The following CEP128 variants were observed in gnomAD, a reference collection of about 807,000 sequenced individuals.
CEP128 encodes the protein centrosomal protein 128, also known as centrosomal protein 128kDa.
Under a neutral mutation model 156.7 loss-of-function variants are expected in CEP128, and 132 were observed. The observed-to-expected ratio is 0.84, with a 90% CI of 0.73 to 0.97. CEP128 has a LOEUF of 0.97. Among genes scored for constraint, CEP128 ranks in the 50% least tolerant of loss-of-function variants. CEP128 has a pLI of 0.00. For synonymous variants in CEP128, 469 were observed against 448.9 expected, an observed-to-expected ratio of 1.04 and a Z score of -0.57; for missense variants, 1,252 against 1,281.9, an observed-to-expected ratio of 0.98 and a Z score of 0.36.
intron 9 of CEP128, among the ~76,000 whole-genome samples, chr14:80,849,061 G>A (rs1281213824): frequency 2.0e-5 from 3 of 152,098 alleles, no homozygotes; most frequent in Non-Finnish European, 4.4e-5. Flanking sequence ...TGTAGTGGTA[G>A]GAAATGAACA....
intron 19 of CEP128, among the ~76,000 whole-genome samples, chr14:80,684,933 C>T (rs752984951): frequency 7.2e-5 from 11 of 151,996 alleles, no homozygotes; most frequent in Non-Finnish European, 7.4e-5. Context: ...AACTAGGCAT[C>T]GAAGGAACAT....
chr14:80,724,724 CAG>C (rs904085405), intron 19 of CEP128, among the ~76,000 whole-genome samples: 1 of 151,886 alleles, frequency 6.6e-6, no homozygotes, highest in African/African-American at 2.4e-5. Context: ...AACTGAAACT[CAG>C]ACACTCTTCT....
At chr14:80,635,422 CAAAT>C (rs1486710172) in intron 19 of CEP128, among the ~76,000 whole-genome samples, 1 of 152,076 alleles carries the variant, frequency 6.6e-6, no homozygotes, top group Non-Finnish European at 1.5e-5. Flanking sequence ...AAAAAACCCC[CAAAT>C]AAACAAAAAA....
intron 19 of CEP128, among the ~76,000 whole-genome samples, chr14:80,740,252 A>C (rs188781504): frequency 6.6e-6 from 1 of 152,228 alleles, no homozygotes; most frequent in Non-Finnish European, 1.5e-5. Context: ...GAGACACAGC[A>C]TTCAGCAAAA....
intron 24 of CEP128, among the ~76,000 whole-genome samples, chr14:80,504,252 C>T (rs1372691129): frequency 6.6e-6 from 1 of 152,196 alleles, no homozygotes; most frequent in Non-Finnish European, 1.5e-5. Flanking sequence ...GTGAACAAAA[C>T]AGGCACTCCT....
chr14:80,630,956 T>G (rs1445678033), intron 19 of CEP128, among the ~76,000 whole-genome samples: 1 of 151,986 alleles, frequency 6.6e-6, no homozygotes, highest in African/African-American at 2.4e-5. Flanking sequence ...TGGGCAACTG[T>G]AAAAGAAAAC....
intron 19 of CEP128, among the ~76,000 whole-genome samples, chr14:80,594,198 C>T (rs1892214485): frequency 6.6e-6 from 1 of 152,116 alleles, no homozygotes; most frequent in African/African-American, 2.4e-5. Flanking sequence ...CTTTGACAAA[C>T]AGGACAAAAA....
intron 19 of CEP128, among the ~76,000 whole-genome samples, chr14:80,734,212 A>G (rs898071146): frequency 6.6e-6 from 1 of 152,212 alleles, no homozygotes; most frequent in African/African-American, 2.4e-5. Flanking sequence ...TCTAGTAGAC[A>G]CAGTGTCGAT....
chr14:80,592,904 G>C (rs1159567881), intron 19 of CEP128, among the ~76,000 whole-genome samples: 1 of 152,136 alleles, frequency 6.6e-6, no homozygotes, highest in Non-Finnish European at 1.5e-5. Context: ...AAAGCCACAT[G>C]ATTATCTCAA....
chr14:80,493,780 C>T (rs973272183), downstream of CEP128, among the ~76,000 whole-genome samples: 1 of 152,120 alleles, frequency 6.6e-6, no homozygotes. Flanking sequence ...GTGACTTGTG[C>T]TGGGCTTGAA....
chr14:80,790,282 A>T (rs541816939), intron 14 of CEP128, among the ~76,000 whole-genome samples: 2 of 152,254 alleles, frequency 1.3e-5, no homozygotes, highest in South Asian at 2.1e-4. Context: ...TATCCATATT[A>T]AAAAAGAATA....
At chr14:80,722,454 A>G (rs920686648) in intron 19 of CEP128, among the ~76,000 whole-genome samples, 8 of 152,102 alleles carry the variant, frequency 5.3e-5, no homozygotes, top group Non-Finnish European at 8.8e-5. Flanking sequence ...TAAAATCCAT[A>G]CACATATACA....
downstream of CEP128, chr14:80,490,413 C>T (rs1887285612): frequency 6.6e-6 from 1 of 152,262 alleles, no homozygotes; most frequent in East Asian, 1.9e-4. Context: ...GGAATCAATG[C>T]CCCAAATCAG....
intron 19 of CEP128, among the ~76,000 whole-genome samples, chr14:80,724,739 A>G (rs1897947281): frequency 6.6e-6 from 1 of 151,936 alleles, no homozygotes; most frequent in Non-Finnish European, 1.5e-5. Flanking sequence ...ACTCTTCTTG[A>G]AATTTCAATA....
chr14:80,494,893 T>C (rs1014370801), downstream of CEP128, among the ~76,000 whole-genome samples: 1 of 152,152 alleles, frequency 6.6e-6, no homozygotes, highest in Non-Finnish European at 1.5e-5. Context: ...CATAACCAAC[T>C]GGTTTTCAAC....
chr14:80,783,904 C>A (rs1347938686), intron 15 of CEP128, among the ~76,000 whole-genome samples: 1 of 152,120 alleles, frequency 6.6e-6, no homozygotes, highest in Non-Finnish European at 1.5e-5. Flanking sequence ...ACCTGCCAAT[C>A]CCAACTGAAG....
At chr14:80,540,198 C>CG in intron 21 of CEP128, among the ~76,000 whole-genome samples, 2 of 33,656 alleles carry the variant, frequency 5.9e-5, no homozygotes, top group African/African-American at 3.3e-4. Context: ...TGTTCTTACA[C>CG]CCCCCCCCCT....
chr14:80,488,195 T>C (rs1174275279), downstream of CEP128, among the ~76,000 whole-genome samples: 2 of 52,574 alleles, frequency 3.8e-5, 1 homozygote, highest in Non-Finnish European at 1.5e-4. Context: ...AAAGGGGATA[T>C]CACCTCTGAT....
intron 9 of CEP128, among the ~76,000 whole-genome samples, chr14:80,845,239 T>C (rs1886540588): frequency 6.6e-6 from 1 of 152,176 alleles, no homozygotes; most frequent in African/African-American, 2.4e-5. Flanking sequence ...TACAAGTCTT[T>C]TAACTTCTTT....
Sources: gnomAD v4.1 joint callset for allele counts (sites outside exome capture counted in the v4.1 genomes callset) on GRCh38, gnomAD v4.1.1 for gene constraint, MANE v1.5 for transcripts, NCBI Gene and HGNC (gene_info 2026-07-23, HGNC 2026-07-21) for gene names.